The following EIF3K variants were observed in gnomAD, a reference collection of about 807,000 sequenced individuals.
EIF3K encodes eukaryotic translation initiation factor 3 subunit K, also known as eIF-3 p28.
A neutral mutation model predicts 34.2 loss-of-function variants in EIF3K; 27 were observed. The observed-to-expected ratio is 0.79, with a 90% CI of 0.58 to 1.09. The LOEUF (loss-of-function observed/expected upper bound fraction) is 1.09, where lower values mean the gene tolerates loss of function less well. Among genes scored for constraint, EIF3K ranks in the 50% least tolerant of loss-of-function variants. The pLI is 0.00. For synonymous variants in EIF3K, 105 were observed against 105.7 expected (o/e 0.99, Z 0.04); for missense variants, 232 against 275.4 (o/e 0.84, Z 1.11).
intron 6 of EIF3K, among the ~76,000 whole-genome samples, chr19:38,633,941 C>A (rs1355221818): frequency 6.6e-6 from 1 of 151,266 alleles, no homozygotes; most frequent in Non-Finnish European, 1.5e-5. Flanking sequence ...CACTGCATTC[C>A]ACTCTGGGCA....
chr19:38,631,801 T>C (rs145945942), intron 4 of EIF3K, among the ~76,000 whole-genome samples: 3,732 of 152,278 alleles, frequency 0.025, 156 homozygotes, highest in African/African-American at 0.083. Context: ...GTCCCTGCGG[T>C]CTTCCGCAGT....
At position 38,619,225 on chromosome 19, in the gene EIF3K, T is replaced by C. The variant is rs530039358; in HGVS notation, c.-44T>C. The C allele has an allele frequency of 2.5e-6, 4 of 1,605,666 alleles. No homozygotes were observed. The South Asian group carries it at 3.3e-5, about 13-fold the overall frequency. On this transcript the variant is annotated 5_prime_UTR_variant, in exon 1 of 8. Coordinates refer to ENST00000248342, the MANE Select transcript of EIF3K (RefSeq NM_013234.4). Reference sequence around the variant, plus strand: ...CCGTCCTTGAGGACGCCGTGCCGGGTCAGTGTTAGCCTCCAGCCCTGGTTG... The same window carrying C: ...CCGTCCTTGAGGACGCCGTGCCGGGCCAGTGTTAGCCTCCAGCCCTGGTTG...
intron 4 of EIF3K, 82 bp downstream of exon 4, chr19:38,626,184 G>T (rs930462717): frequency 1.7e-5 from 22 of 1,319,220 alleles, no homozygotes; most frequent in Admixed American, 5.1e-5. Flanking sequence ...GGTGCACACT[G>T]ACTGGCTTCC....
chr19:38,623,132 T>A (rs1366235654), intron 2 of EIF3K, among the ~76,000 whole-genome samples: 1 of 152,236 alleles, frequency 6.6e-6, no homozygotes, highest in African/African-American at 2.4e-5. Context: ...GGGGAAGTGA[T>A]AAGTGTCCAT....
intron 4 of EIF3K, among the ~76,000 whole-genome samples, chr19:38,628,045 C>G (rs1599734712): frequency 6.6e-6 from 1 of 152,016 alleles, no homozygotes; most frequent in African/African-American, 2.4e-5. Context: ...GCTGGGACTA[C>G]AGGCATGCAC....
intron 7 of EIF3K, among the ~76,000 whole-genome samples, chr19:38,636,335 G>C (rs1384188073): frequency 1.3e-5 from 2 of 152,118 alleles, no homozygotes; most frequent in African/African-American, 2.4e-5. Context: ...TGGCTCCATT[G>C]CTCTGTGTCC....
chr19:38,631,531 C>G (rs1347905753), intron 4 of EIF3K, among the ~76,000 whole-genome samples: 1 of 152,224 alleles, frequency 6.6e-6, no homozygotes, highest in Non-Finnish European at 1.5e-5. Context: ...AGGCGGTTTC[C>G]CCCTATCTCA....
At chr19:38,619,395 A>G in intron 1 of EIF3K, 68 bp downstream of exon 1, 4 of 1,580,654 alleles carry the variant, frequency 2.5e-6, no homozygotes, top group Non-Finnish European at 3.5e-6. Context: ...CGGAGACAGC[A>G]AGGGGTGTTC....
chr19:38,619,233 A>C lies in EIF3K; in HGVS notation c.-36A>C. On this transcript the variant is annotated 5_prime_UTR_variant, in exon 1 of 8. Coordinates refer to ENST00000248342, the MANE Select transcript of EIF3K (RefSeq NM_013234.4). The stretch of plus-strand genomic sequence containing the variant: ...GAGGACGCCGTGCCGGGTCAGTGTT[A>C]GCCTCCAGCCCTGGTTGTGGAAGGC... 6.2e-7 allele frequency: 1 copy of C among 1,612,264 alleles called. No individual in the cohort carries two copies. Among genetic ancestry groups the C allele is most frequent in the East Asian group, 2.2e-5 (1 of 44,828 alleles).
In EIF3K at chr19:38,635,007, G is replaced by A. The variant is rs557471828; in HGVS notation, c.514G>A (p.Val172Met). ...GTCACCTGCAGACAGCCAGCTAAAG[G>A]TGTGGATGAGCAAATACGGCTGGAG... ...LGDLSDSQLK[V>M]WMSKYGWSAD... Residue 172 changes from valine (V) to methionine (M), a missense_variant, in exon 7 of 8, where the codon GTG becomes ATG. Physicochemically the swap from Val to Met is conservative, Grantham distance 21. Transcript: ENST00000248342. 3.7e-6 allele frequency: 6 copies of A among 1,614,172 alleles called. No individual in the cohort carries two copies. The African/African-American group carries it at 6.7e-5, about 18-fold the overall frequency.
rs549162272 is a variant in EIF3K at position 38,623,341 on chromosome 19, GTAT to G, written c.159-734_159-732del. Among the ~76,000 whole-genome samples the G allele has an allele frequency of 6.9e-3, 1,048 of 152,320 alleles. 11 individuals carry two copies. The highest frequency in any genetic ancestry group is 0.011 in the Non-Finnish European group (772 of 68,036). On this transcript the variant is annotated intron_variant, in intron 2 of 7. Coordinates refer to ENST00000248342, the MANE Select transcript of EIF3K (RefSeq NM_013234.4). ...GCACCACCATACCCAGCTAATTTTT[GTAT>G]TTTTAGTAGAGACAGGGTTTTGCCA...
At chr19:38,635,627 G>T (rs1276413809) in intron 7 of EIF3K, 1 of 164,632 alleles carries the variant, frequency 6.1e-6, no homozygotes, top group African/African-American at 2.4e-5. Flanking sequence ...TTGATCCTCA[G>T]TTGCTAAATG....
rs770551416 is a variant in EIF3K, at chr19:38,620,420, T to C, written c.143T>C (p.Leu48Pro). 1.9e-6 allele frequency: 3 copies of C among 1,613,850 alleles called. No homozygotes were observed. The South Asian group carries it at 3.3e-5, about 18-fold the overall frequency. The part of the protein sequence containing the change: ...KENAYDLEAN[L>P]AVLKLYQFNP... Reference sequence around the variant, plus strand: ...AATGCCTATGATCTGGAAGCCAACCTGGCTGTCCTGAAGCTGTAAGTGTCT... The same window carrying C: ...AATGCCTATGATCTGGAAGCCAACCCGGCTGTCCTGAAGCTGTAAGTGTCT... The change falls in exon 2 of 8, where the codon CTG becomes CCG. Residue 48 changes from leucine to proline, a missense_variant. Leu to Pro is a moderately conservative substitution (Grantham distance 98). Coordinates refer to ENST00000248342, the MANE Select transcript of EIF3K (RefSeq NM_013234.4).
rs751665605 is a variant in EIF3K at position 38,624,219 on chromosome 19, CG to C, written c.279+28del. ...ACATGTATCCTTCCAGCACTGGGGC[CG>C]GGGGGTGTGTGGGAAGGGGTCAGAG... On this transcript the variant is annotated intron_variant, in intron 3 of 7. Transcript: ENST00000248342. 21 of 1,613,322 alleles carry C rather than the reference CG, an allele frequency of 1.3e-5. No individual in the cohort carries two copies. The African/African-American group carries it at 1.3e-4, about 10-fold the overall frequency.
intron 4 of EIF3K, among the ~76,000 whole-genome samples, chr19:38,627,033 C>T (rs924905024): frequency 5.9e-5 from 9 of 152,112 alleles, no homozygotes; most frequent in African/African-American, 1.9e-4. Flanking sequence ...CTTGCCCAGG[C>T]TGGAGTGCAG....
At chr19:38,625,989 G>A (rs200269132) in intron 3 of EIF3K, 39 bp from the exon 4 acceptor site, 42 of 1,603,030 alleles carry the variant, frequency 2.6e-5, no homozygotes, top group Non-Finnish European at 3.3e-5. Context: ...CCAACCTTAC[G>A]CTCCGAGGCC....
In EIF3K at chr19:38,619,224, G is replaced by T. The variant is rs372381183; in HGVS notation, c.-45G>T. 2.6e-5 allele frequency: 41 copies of T among 1,605,228 alleles called. No homozygotes were observed. The African/African-American group carries it at 3.6e-4, about 14-fold the overall frequency. On this transcript the variant is annotated 5_prime_UTR_variant, in exon 1 of 8. Coordinates refer to ENST00000248342, the MANE Select transcript of EIF3K (RefSeq NM_013234.4). ...CCCGTCCTTGAGGACGCCGTGCCGGGTCAGTGTTAGCCTCCAGCCCTGGTT... is the reference window on the plus strand; with the variant it reads ...CCCGTCCTTGAGGACGCCGTGCCGGTTCAGTGTTAGCCTCCAGCCCTGGTT...
At chr19:38,623,013 T>C (rs1277226894) in intron 2 of EIF3K, among the ~76,000 whole-genome samples, 1 of 152,240 alleles carries the variant, frequency 6.6e-6, no homozygotes, top group African/African-American at 2.4e-5. Context: ...GCAATTTTTG[T>C]AGTTAACGCA....
rs1160319135 is a variant in EIF3K, at chr19:38,626,112, C to T, written c.354+10C>T. 1 of 1,613,892 alleles carries T rather than the reference C, an allele frequency of 6.2e-7. No individual in the cohort carries two copies. The highest frequency in any genetic ancestry group is 2.2e-5 in the East Asian group (1 of 44,878). On this transcript the variant is annotated intron_variant, in intron 4 of 7. Coordinates refer to ENST00000248342, the MANE Select transcript of EIF3K (RefSeq NM_013234.4). ...TTTCCAGGCCTTCTGGGTAACTTCC[C>T]TGGGGTCCAGGGGCAGGGGAGATGG...
Sources: gnomAD v4.1 joint callset for allele counts (sites outside exome capture counted in the v4.1 genomes callset) on GRCh38, gnomAD v4.1.1 for gene constraint, MANE v1.5 for transcripts, NCBI Gene and HGNC (gene_info 2026-07-23, HGNC 2026-07-21) for gene names.